ARIH1: variants seen among roughly 807,000 people sequenced by gnomAD.
ARIH1 encodes the protein E3 ubiquitin-protein ligase ARIH1.
ARIH1 carries 8 observed loss-of-function variants against 85.0 expected under a neutral mutation model. The observed-to-expected ratio is 0.09, with a 90% CI of 0.06 to 0.17. The LOEUF is 0.17. ARIH1 is among the 10% of genes least tolerant of loss of function. The pLI, the probability that ARIH1 is intolerant of heterozygous loss-of-function variation, is 1.00. For missense variants in ARIH1, 311 were observed against 718.1 expected, an observed-to-expected ratio of 0.43 and a Z score of 6.48; for synonymous variants, 238 against 253.6, an observed-to-expected ratio of 0.94 and a Z score of 0.59.
intron 5 of ARIH1, among the ~76,000 whole-genome samples, chr15:72,558,897 T>C (rs973024662): frequency 1.3e-5 from 2 of 152,220 alleles, no homozygotes; most frequent in Non-Finnish European, 1.5e-5. Context: ...AAAAGCATTA[T>C]GGGTAATACA....
chr15:72,581,405 C>G (rs2064294682), intron 12 of ARIH1: 1 of 163,470 alleles, frequency 6.1e-6, no homozygotes, highest in Non-Finnish European at 1.3e-5. Context: ...CCTGGAACAT[C>G]ATAAGTTCTC....
intron 3 of ARIH1, among the ~76,000 whole-genome samples, chr15:72,550,335 A>G (rs1007553353): frequency 6.6e-6 from 1 of 152,260 alleles, no homozygotes; most frequent in Non-Finnish European, 1.5e-5. Context: ...GTTGAGACTT[A>G]AAGTGATCAC....
At chr15:72,512,382 G>A (rs777370403) in intron 1 of ARIH1, among the ~76,000 whole-genome samples, 14 of 152,030 alleles carry the variant, frequency 9.2e-5, no homozygotes, top group Non-Finnish European at 1.5e-5. Context: ...GTGTCTTTAA[G>A]AAGTTGGCCT....
intron 8 of ARIH1, among the ~76,000 whole-genome samples, chr15:72,566,885 G>GTTCC (rs2064223368): frequency 6.6e-6 from 1 of 152,090 alleles, no homozygotes; most frequent in Admixed American, 6.6e-5. Context: ...CAAGCTCTAG[G>GTTCC]TTCCCCACTC....
intron 2 of ARIH1, among the ~76,000 whole-genome samples, chr15:72,539,895 T>C (rs2064098866): frequency 6.6e-6 from 1 of 152,162 alleles, no homozygotes; most frequent in African/African-American, 2.4e-5. Flanking sequence ...GAATTATGTC[T>C]AAGTAGTTGG....
At chr15:72,484,853 T>TC (rs1357758194) in intron 1 of ARIH1, among the ~76,000 whole-genome samples, 2 of 151,934 alleles carry the variant, frequency 1.3e-5, no homozygotes, top group African/African-American at 4.8e-5. Context: ...TTGGGCTGGT[T>TC]CCCCATTTTT....
intron 5 of ARIH1, among the ~76,000 whole-genome samples, chr15:72,559,969 A>G (rs1289420072): frequency 6.6e-6 from 1 of 152,212 alleles, no homozygotes; most frequent in African/African-American, 2.4e-5. Context: ...TTTTCATTGA[A>G]CATCTGTTTT....
intron 1 of ARIH1, among the ~76,000 whole-genome samples, chr15:72,516,561 G>T (rs1452055486): frequency 6.6e-6 from 1 of 152,158 alleles, no homozygotes. Context: ...CTTATAGATG[G>T]GTGGTGTCTA....
chr15:72,533,955 A>G (rs78849815), intron 2 of ARIH1, among the ~76,000 whole-genome samples: 327 of 152,274 alleles, frequency 2.1e-3, no homozygotes, highest in African/African-American at 7.7e-3. Flanking sequence ...GTATTTATTC[A>G]TACTTCAACC....
chr15:72,546,029 T>C (rs1424913724), intron 3 of ARIH1, among the ~76,000 whole-genome samples: 1 of 152,172 alleles, frequency 6.6e-6, no homozygotes, highest in African/African-American at 2.4e-5. Context: ...GACACTGTTA[T>C]TTTAACAATT....
rs2064385881 is a variant in ARIH1 at position 72,602,615 on chromosome 15, T to C, written c.*19323T>C. 6.6e-6 allele frequency: 1 copy of C among 152,250 alleles called. No homozygotes were observed. Among genetic ancestry groups the C allele is most frequent in the Admixed American group, 6.5e-5 (1 of 15,282 alleles). The allele number at this position is 152,250 out of a possible 1,614,324, so 9.4% of individuals were successfully genotyped here. ...GAATTTTATATGGGCCTAAGAGTCT[T>C]ACTGAAAATTGGAAGTCTTAAGGTG... is the stretch of plus-strand genomic sequence containing the variant. On this transcript the variant is annotated 3_prime_UTR_variant, in exon 14 of 14. Coordinates refer to ENST00000379887, the MANE Select transcript of ARIH1 (RefSeq NM_005744.5).
At chr15:72,504,937 C>CTT (rs2063918545) in intron 1 of ARIH1, among the ~76,000 whole-genome samples, 2 of 152,270 alleles carry the variant, frequency 1.3e-5, no homozygotes, top group Non-Finnish European at 2.9e-5. Context: ...AAACCTATAC[C>CTT]TTTAAAGGGA....
intron 11 of ARIH1, among the ~76,000 whole-genome samples, chr15:72,573,351 G>A (rs1203625541): frequency 3.9e-5 from 6 of 152,072 alleles, no homozygotes; most frequent in African/African-American, 7.2e-5. Flanking sequence ...ACCTGAGGTC[G>A]GGAGTTCCAG....
chr15:72,476,167 ACTTT>A (rs568514337), intron 1 of ARIH1, among the ~76,000 whole-genome samples: 20 of 152,340 alleles, frequency 1.3e-4, no homozygotes, highest in South Asian at 8.3e-4. Context: ...CAACTCGTTG[ACTTT>A]CTATTATTAA....
chr15:72,492,142 A>G (rs2063861972), intron 1 of ARIH1, among the ~76,000 whole-genome samples: 1 of 152,176 alleles, frequency 6.6e-6, no homozygotes, highest in Non-Finnish European at 1.5e-5. Context: ...TTGCTGTTAT[A>G]TTTACTGTTT....
At chr15:72,565,565 ACT>A (rs1442047271) in intron 7 of ARIH1, among the ~76,000 whole-genome samples, 4 of 152,214 alleles carry the variant, frequency 2.6e-5, no homozygotes. Flanking sequence ...TAAAATACAT[ACT>A]GTTTCGATAA....
chr15:72,539,905 G>A (rs1283214123), intron 2 of ARIH1, among the ~76,000 whole-genome samples: 1 of 152,138 alleles, frequency 6.6e-6, no homozygotes, highest in African/African-American at 2.4e-5. Context: ...TAAGTAGTTG[G>A]AGGTGATCAA....
intron 2 of ARIH1, among the ~76,000 whole-genome samples, chr15:72,541,071 A>G (rs549744340): frequency 1.3e-5 from 2 of 152,192 alleles, no homozygotes; most frequent in Non-Finnish European, 2.9e-5. Flanking sequence ...GAAGGCCTGG[A>G]GCTCTGGGAG....
chr15:72,477,811 A>G (rs1305244697), intron 1 of ARIH1, among the ~76,000 whole-genome samples: 4 of 151,816 alleles, frequency 2.6e-5, no homozygotes, highest in African/African-American at 7.3e-5. Flanking sequence ...AGAGTTTTTT[A>G]TTTTGTTTTG....
Sources: allele counts gnomAD v4.1 joint callset (sites outside exome capture counted in the v4.1 genomes callset), GRCh38; gene constraint gnomAD v4.1.1; transcripts MANE v1.5; gene names NCBI Gene and HGNC (gene_info 2026-07-23, HGNC 2026-07-21).